The following CPT1A variants were observed in gnomAD, a reference collection of about 807,000 sequenced individuals.
The protein encoded by CPT1A is carnitine O-palmitoyltransferase 1, liver isoform.
A neutral mutation model predicts 100.8 loss-of-function variants in CPT1A; 64 were observed. The ratio of observed to expected loss-of-function variants is 0.63; its 90% confidence interval spans 0.52 to 0.78. The LOEUF (loss-of-function observed/expected upper bound fraction) is 0.78. CPT1A is among the 30% of genes least tolerant of loss of function. The probability of loss-of-function intolerance (pLI) is 0.00; values close to 1 mark genes in which losing one functional copy is unlikely to be tolerated. For synonymous variants in CPT1A, 363 were observed against 396.0 expected, an observed-to-expected ratio of 0.92 and a Z score of 0.99; for missense variants, 802 against 1,034.1, an observed-to-expected ratio of 0.78 and a Z score of 3.08.
chr11:68,836,850 GGGAA>G (rs150561761), intron 1 of CPT1A, among the ~76,000 whole-genome samples: 218 of 150,740 alleles, frequency 1.4e-3, no homozygotes, highest in Middle Eastern at 6.8e-3. Flanking sequence ...AGAAAAGAAA[GGGAA>G]GGAAGGAAGG....
chr11:68,761,423 G>T, intron 16 of CPT1A, 112 bp downstream of exon 16: 2 of 1,284,760 alleles, frequency 1.6e-6, no homozygotes, highest in African/African-American at 1.5e-5. Context: ...CCACAGACCC[G>T]TTTTTTTCAA....
chr11:68,785,075 C>A, intron 9 of CPT1A, 65 bp from the exon 10 acceptor site: 2 of 1,430,848 alleles, frequency 1.4e-6, no homozygotes, highest in Non-Finnish European at 9.7e-7. Flanking sequence ...GCTGAGACGA[C>A]CGTACCCTGA....
At chr11:68,772,013 G>A (rs1594325594) in intron 14 of CPT1A, among the ~76,000 whole-genome samples, 1 of 152,218 alleles carries the variant, frequency 6.6e-6, no homozygotes, top group East Asian at 1.9e-4. Flanking sequence ...CGTTACCAAG[G>A]TTGGGGGGGC....
intron 14 of CPT1A, among the ~76,000 whole-genome samples, chr11:68,768,277 G>A (rs1299152442): frequency 3.3e-5 from 5 of 151,602 alleles, no homozygotes; most frequent in Admixed American, 6.6e-5. Flanking sequence ...GGGTTTCATC[G>A]TGTTAGCCAG....
At chr11:68,840,030 G>A (rs1274653177) in intron 1 of CPT1A, among the ~76,000 whole-genome samples, 1 of 152,232 alleles carries the variant, frequency 6.6e-6, no homozygotes, top group African/African-American at 2.4e-5. Context: ...CAACTGTTAA[G>A]ATAGGGTTCA....
At position 68,762,674 on chromosome 11, in the gene CPT1A, T is replaced by C. The variant is rs754677854; in HGVS notation, c.1828A>G (p.Thr610Ala). The C allele has an allele frequency of 6.2e-7, 1 of 1,613,948 alleles. No homozygotes were observed. Among genetic ancestry groups the C allele is most frequent in the South Asian group, 1.1e-5 (1 of 91,066 alleles). Residue 610 changes from threonine (T) to alanine (A), a missense_variant, in exon 15 of 19, where the codon ACT becomes GCT. Transcript: ENST00000265641. The part of the protein sequence containing the change: ...GRTETVRSCT[T>A]ESCDFVRAMV... ...GCCCGCACGAAGTCGCATGACTCAG[T>C]GGTGCAGGAGCGCACGGTCTCCGTC... is the stretch of plus-strand genomic sequence containing the variant.
At chr11:68,807,397 C>T (rs192755156) in intron 4 of CPT1A, 70 bp downstream of exon 4, 13 of 1,491,976 alleles carry the variant, frequency 8.7e-6, no homozygotes, top group Middle Eastern at 1.7e-4. Context: ...GGTGTCCTTC[C>T]GCAGGGGTGT....
intron 3 of CPT1A, among the ~76,000 whole-genome samples, chr11:68,808,166 C>G (rs1054622372): frequency 6.6e-6 from 1 of 152,150 alleles, no homozygotes; most frequent in African/African-American, 2.4e-5. Flanking sequence ...ATCGTAATCT[C>G]AAATTATTTG....
intron 9 of CPT1A, among the ~76,000 whole-genome samples, chr11:68,792,104 C>T (rs1171248014): frequency 6.6e-6 from 1 of 151,876 alleles, no homozygotes; most frequent in Non-Finnish European, 1.5e-5. Flanking sequence ...TTTGGAAGGC[C>T]GAGGTGGGAC....
At chr11:68,770,115 T>C (rs1378679078) in intron 14 of CPT1A, among the ~76,000 whole-genome samples, 1 of 151,958 alleles carries the variant, frequency 6.6e-6, no homozygotes, top group Non-Finnish European at 1.5e-5. Context: ...GTTCTGAAGT[T>C]TTTTTTCATC....
chr11:68,781,073 C>T (rs1446065280), intron 11 of CPT1A, among the ~76,000 whole-genome samples: 2 of 152,212 alleles, frequency 1.3e-5, no homozygotes, highest in Non-Finnish European at 2.9e-5. Flanking sequence ...TCCTTGGCTC[C>T]ACCCTGCAGG....
chr11:68,831,268 C>T (rs1369302443), intron 1 of CPT1A, among the ~76,000 whole-genome samples: 4 of 152,268 alleles, frequency 2.6e-5, no homozygotes, highest in Non-Finnish European at 4.4e-5. Flanking sequence ...AGCAAACCTC[C>T]CCACTCCTGC....
chr11:68,787,682 C>G (rs1366589569), intron 9 of CPT1A, among the ~76,000 whole-genome samples: 1 of 151,980 alleles, frequency 6.6e-6, no homozygotes, highest in Admixed American at 6.6e-5. Flanking sequence ...TGGCTCACGT[C>G]TATAATCCCA....
At chr11:68,821,967 A>G (rs190186841) in intron 1 of CPT1A, among the ~76,000 whole-genome samples, 3 of 152,320 alleles carry the variant, frequency 2.0e-5, no homozygotes, top group Admixed American at 6.5e-5. Context: ...TAGTATCACA[A>G]AGATGGATGA....
At chr11:68,842,931 G>A (rs1163314173), upstream of CPT1A, among the ~76,000 whole-genome samples, 2 of 152,196 alleles carry the variant, frequency 1.3e-5, no homozygotes, top group Non-Finnish European at 2.9e-5. Flanking sequence ...CATACAGCAG[G>A]TGCTCCATAA....
At chr11:68,819,080 A>G (rs1856509799) in intron 1 of CPT1A, among the ~76,000 whole-genome samples, 1 of 151,818 alleles carries the variant, frequency 6.6e-6, no homozygotes, top group African/African-American at 2.4e-5. Flanking sequence ...TGGAGTCTCA[A>G]GGTTAACTTT....
chr11:68,784,902 A>G lies in CPT1A; in HGVS notation c.1076T>C (p.Met359Thr). 1 of 1,614,064 alleles carries G rather than the reference A, an allele frequency of 6.2e-7. No homozygotes were observed. The highest frequency in any genetic ancestry group is 8.5e-7 in the Non-Finnish European group (1 of 1,180,036). ...CAGGATCCTCTGCATCTGCTGCTCC[A>G]TCTCCCGGGGCTTCAGCAGCCGCCC... ...HDGRLLKPRE[M>T]EQQMQRILDN... The change falls in exon 10 of 19, where the codon ATG (methionine) becomes ACG (threonine). Residue 359 changes from methionine to threonine, a missense_variant. By Grantham distance (81) the Met-to-Thr change is moderately conservative. Coordinates refer to ENST00000265641, the MANE Select transcript of CPT1A (RefSeq NM_001876.4).
chr11:68,822,789 G>T (rs949119207), intron 1 of CPT1A, among the ~76,000 whole-genome samples: 2 of 152,162 alleles, frequency 1.3e-5, no homozygotes, highest in Non-Finnish European at 2.9e-5. Flanking sequence ...CTGCAACATG[G>T]ATGGACCCTG....
At chr11:68,825,430 C>T (rs954983567) in intron 1 of CPT1A, among the ~76,000 whole-genome samples, 12 of 152,096 alleles carry the variant, frequency 7.9e-5, no homozygotes, top group African/African-American at 2.4e-4. Flanking sequence ...AGCAGAGAAA[C>T]GGCGTAACCC....
Sources: allele counts gnomAD v4.1 joint callset (sites outside exome capture counted in the v4.1 genomes callset), GRCh38; gene constraint gnomAD v4.1.1; transcripts MANE v1.5; gene names NCBI Gene and HGNC (gene_info 2026-07-23, HGNC 2026-07-21).